The following VCAN variants were observed in gnomAD, a reference collection of about 807,000 sequenced individuals.
VCAN encodes the protein versican.
A neutral mutation model predicts 245.5 loss-of-function variants in VCAN; 44 were observed. That is an observed-to-expected ratio of 0.18 (90% CI 0.14 to 0.23). The LOEUF (loss-of-function observed/expected upper bound fraction) is 0.23, where lower values mean the gene tolerates loss of function less well. Among genes scored for constraint, VCAN ranks in the 10% least tolerant of loss-of-function variants. The pLI, the probability that VCAN is intolerant of heterozygous loss-of-function variation, is 1.00. For synonymous variants in VCAN, 1,413 were observed against 1,437.0 expected (o/e 0.98, Z 0.38); for missense variants, 3,793 against 4,057.9 (o/e 0.93, Z 1.77).
At position 83,541,780 on chromosome 5, in the gene VCAN, C is replaced by T; in HGVS notation, c.8777C>T (p.Thr2926Ile). 1 of 1,614,074 alleles carries T rather than the reference C, an allele frequency of 6.2e-7. No individual in the cohort carries two copies. The highest frequency in any genetic ancestry group is 8.5e-7 in the Non-Finnish European group (1 of 1,179,990). The change falls in exon 8 of 15, where the codon ACT (threonine) becomes ATT (isoleucine). Residue 2926 changes from threonine to isoleucine, a missense_variant. This residue lies in a region of VCAN where 3,182 missense variants were observed against 3,250.3 expected (regional missense o/e 0.98). Coordinates refer to ENST00000265077, the MANE Select transcript of VCAN (RefSeq NM_004385.5). Reference sequence around the variant, plus strand: ...ACAGAACTTATTGCTGTGGAAGGAACTGAGATTCTCCAAGATTTCCAAAAC... The same window carrying T: ...ACAGAACTTATTGCTGTGGAAGGAATTGAGATTCTCCAAGATTTCCAAAAC... Reference protein sequence around the residue: ...SPTELIAVEGTEILQDFQNKT... With the variant: ...SPTELIAVEGIEILQDFQNKT...
intron 12 of VCAN, among the ~76,000 whole-genome samples, chr5:83,562,720 G>T (rs1031072745): frequency 1.3e-5 from 2 of 151,986 alleles, no homozygotes; most frequent in African/African-American, 4.8e-5. Flanking sequence ...TGGATCGTCA[G>T]CCCTTCATGA....
At chr5:83,484,509 TTCCATCCATCCATCCATCCA>T (rs200174622) in intron 2 of VCAN, among the ~76,000 whole-genome samples, 6 of 149,134 alleles carry the variant, frequency 4.0e-5, no homozygotes, top group East Asian at 4.0e-4. Flanking sequence ...CCATCCATCC[TTCCATCCATCCATCCATCCA>T]TCCATCCATC....
At chr5:83,559,444 G>A (rs4703957) in intron 12 of VCAN, among the ~76,000 whole-genome samples, 76,703 of 151,858 alleles carry the variant, frequency 0.51, 19,528 homozygotes, top group Middle Eastern at 0.55. Context: ...GCCACTTCCT[G>A]AGCTATAGCA....
chr5:83,520,772 C>T lies in VCAN; in HGVS notation c.2466C>T (p.Ala822=), dbSNP rs771524517. 30 of 1,613,988 alleles carry T rather than the reference C, an allele frequency of 1.9e-5. No individual in the cohort carries two copies. The highest frequency in any genetic ancestry group is 2.7e-5 in the African/African-American group (2 of 74,922). ...CTTTAGAGTCTACAGAACCTTCAGC[C>T]TCTTCAAAATTGCCCCCTGCCTTAC... ...SKPLESTEPS[A]SSKLPPALLT... The change falls in exon 7 of 15, where the codon GCC becomes GCT. Residue 822 remains alanine (A), a synonymous_variant. Coordinates refer to ENST00000265077, the MANE Select transcript of VCAN (RefSeq NM_004385.5).
intron 13 of VCAN, 139 bp from the exon 14 acceptor site, chr5:83,579,841 T>G (rs1748607141): frequency 1.1e-6 from 1 of 927,540 alleles, no homozygotes; most frequent in Non-Finnish European, 1.6e-6. Context: ...TTTGAAAAAT[T>G]TCATATTCTT....
At position 83,507,445 on chromosome 5, in the gene VCAN, G is replaced by A. The variant is rs148641067; in HGVS notation, c.749-4658G>A. On this transcript the variant is annotated intron_variant, in intron 5 of 14. Transcript: ENST00000265077. ...TGTACTGTGATTAAAAACTCAGAAA[G>A]AACTTTTATTATTCACATCAGAGAT... Among the ~76,000 whole-genome samples, 437 of 152,302 alleles carry A rather than the reference G, an allele frequency of 2.9e-3. 2 individuals are homozygous for A. The highest frequency in any genetic ancestry group is 0.01 in the African/African-American group (419 of 41,566).
At chr5:83,473,638 T>C (rs1190010708) in intron 1 of VCAN, among the ~76,000 whole-genome samples, 6 of 152,216 alleles carry the variant, frequency 3.9e-5, no homozygotes, top group African/African-American at 1.4e-4. Context: ...GGCGGTGCGC[T>C]CCTTCGGATC....
intron 1 of VCAN, among the ~76,000 whole-genome samples, chr5:83,475,735 T>C (rs981655015): frequency 5.3e-5 from 8 of 152,344 alleles, no homozygotes; most frequent in South Asian, 2.1e-4. Context: ...TCCAATGTGA[T>C]TGAGCAATTA....
In VCAN at chr5:83,540,028, A is replaced by G. The variant is rs1746904219; in HGVS notation, c.7025A>G (p.Glu2342Gly). The G allele has an allele frequency of 6.2e-7, 1 of 1,613,972 alleles. No individual in the cohort carries two copies. The highest frequency in any genetic ancestry group is 1.1e-5 in the South Asian group (1 of 91,096). ...GAAATTTTAAGTGACACTGGAGCAG[A>G]AGGACCCACGGTGGCACCTCTCCCT... Reference protein sequence around the residue: ...LIEILSDTGAEGPTVAPLPFS... With the variant: ...LIEILSDTGAGGPTVAPLPFS... The change falls in exon 8 of 15, where the codon GAA (glutamate) becomes GGA (glycine). Residue 2342 changes from glutamate to glycine, a missense_variant. Physicochemically the swap from Glu to Gly is moderately conservative, Grantham distance 98. Transcript: ENST00000265077.
rs763244252 is a variant in VCAN at position 83,493,870 on chromosome 5, T to A, written c.687T>A (p.Thr229=). 4 of 1,614,148 alleles carry A rather than the reference T, an allele frequency of 2.5e-6. No individual in the cohort carries two copies. Among genetic ancestry groups the A allele is most frequent in the Non-Finnish European group, 3.4e-6 (4 of 1,180,012 alleles). Residue 229 remains threonine, a synonymous_variant, in exon 5 of 15, where the codon ACT becomes ACA. Transcript: ENST00000265077. ...AGATGGGAAAGGCAGGAGTCAGGAC[T>A]TATGGATTCCGTTCTCCCCAGGAAA... ...GDKMGKAGVR[T]YGFRSPQETY...
intron 6 of VCAN, 28 bp downstream of exon 6, chr5:83,512,424 T>C (rs1745696805): frequency 6.2e-7 from 1 of 1,609,268 alleles, no homozygotes; most frequent in Non-Finnish European, 8.5e-7. Flanking sequence ...TTTTAAAAAT[T>C]ACAGTTTTAA....
At position 83,474,463 on chromosome 5, in the gene VCAN, A is replaced by G. The variant is rs879583892; in HGVS notation, c.-7+2440A>G. 9.9e-5 allele frequency among the ~76,000 whole-genome samples: 15 copies of G among 152,130 alleles called. 1 individual carries two copies. The highest frequency in any genetic ancestry group is 2.1e-4 in the Non-Finnish European group (14 of 68,002). Reference sequence around the variant, plus strand: ...GGATGGAAGGGTGGGAAAGAACTAGACAAGCGGAGGTGGTCCAGCCCCGCC... The same window carrying G: ...GGATGGAAGGGTGGGAAAGAACTAGGCAAGCGGAGGTGGTCCAGCCCCGCC... On this transcript the variant is annotated intron_variant, in intron 1 of 14. Coordinates refer to ENST00000265077, the MANE Select transcript of VCAN (RefSeq NM_004385.5).
intron 9 of VCAN, among the ~76,000 whole-genome samples, 195 bp downstream of exon 9, chr5:83,545,845 A>G (rs1747192818): frequency 6.6e-6 from 1 of 152,230 alleles, no homozygotes; most frequent in Non-Finnish European, 1.5e-5. Flanking sequence ...AATTCTGTTA[A>G]CGTAACCAAG....
At chr5:83,482,575 G>A (rs140071475) in intron 1 of VCAN, among the ~76,000 whole-genome samples, 4 of 152,276 alleles carry the variant, frequency 2.6e-5, no homozygotes, top group African/African-American at 9.6e-5. Flanking sequence ...TGCTACCGAG[G>A]AGGGCACAAC....
At chr5:83,523,130 G>C (rs1746168050) in intron 7 of VCAN, among the ~76,000 whole-genome samples, 1 of 152,108 alleles carries the variant, frequency 6.6e-6, no homozygotes, top group Non-Finnish European at 1.5e-5. Context: ...CTTAAAAGCT[G>C]TTTGTTTACA....
At chr5:83,565,383 G>GT (rs1204078742) in intron 12 of VCAN, among the ~76,000 whole-genome samples, 1 of 130,038 alleles carries the variant, frequency 7.7e-6, no homozygotes, top group Non-Finnish European at 1.6e-5. Context: ...AGTATTGTAT[G>GT]TGTAAGGGTG....
chr5:83,559,738 G>A (rs1265328866), intron 12 of VCAN, among the ~76,000 whole-genome samples: 1 of 152,048 alleles, frequency 6.6e-6, no homozygotes, highest in Non-Finnish European at 1.5e-5. Context: ...TCTGAGATAG[G>A]AATTAACTTT....
chr5:83,524,744 T>C (rs548840964), intron 7 of VCAN, among the ~76,000 whole-genome samples: 3 of 152,292 alleles, frequency 2.0e-5, no homozygotes, highest in East Asian at 3.9e-4. Flanking sequence ...TCCAACATTT[T>C]GAGCTTTGGC....
At chr5:83,575,875 G>GA (rs796454190) in intron 13 of VCAN, among the ~76,000 whole-genome samples, 23 of 151,796 alleles carry the variant, frequency 1.5e-4, no homozygotes, top group African/African-American at 4.6e-4. Flanking sequence ...GAAGAAGAAG[G>GA]AAAAAAACCC....
Sources: allele counts gnomAD v4.1 joint callset (sites outside exome capture counted in the v4.1 genomes callset), GRCh38; gene constraint gnomAD v4.1.1; regional missense constraint gnomAD v4.1.1; transcripts MANE v1.5; gene names NCBI Gene and HGNC (gene_info 2026-07-23, HGNC 2026-07-21).